CFAP70: variants seen among roughly 807,000 people sequenced by gnomAD.
CFAP70 encodes the protein cilia- and flagella-associated protein 70.
Under a neutral mutation model 137.6 loss-of-function variants are expected in CFAP70, and 81 were observed. The observed-to-expected ratio is 0.59, with a 90% CI of 0.49 to 0.71. The LOEUF (loss-of-function observed/expected upper bound fraction) is 0.71. CFAP70 is among the 30% of genes least tolerant of loss of function. The pLI, the probability that CFAP70 is intolerant of heterozygous loss-of-function variation, is 0.00. For missense variants in CFAP70, 976 were observed against 1,226.7 expected, an observed-to-expected ratio of 0.80 and a Z score of 3.05; for synonymous variants, 382 against 423.6, an observed-to-expected ratio of 0.90 and a Z score of 1.20.
At chr10:73,288,961 G>A (rs761074512) in intron 19 of CFAP70, among the ~76,000 whole-genome samples, 1 of 152,190 alleles carries the variant, frequency 6.6e-6, no homozygotes, top group Non-Finnish European at 1.5e-5. Context: ...TGCATTCTTT[G>A]CAGTTTATCA....
intron 7 of CFAP70, among the ~76,000 whole-genome samples, chr10:73,334,457 C>T (rs529164772): frequency 6.6e-6 from 1 of 152,224 alleles, no homozygotes; most frequent in East Asian, 1.9e-4. Flanking sequence ...GCTCCAGCAG[C>T]CACCTTTGCA....
At chr10:73,261,765 C>G (rs1480899483) in intron 25 of CFAP70, among the ~76,000 whole-genome samples, 1 of 151,820 alleles carries the variant, frequency 6.6e-6, no homozygotes, top group Admixed American at 6.6e-5. Context: ...CTCGAGCCTC[C>G]CAAAGTGCTG....
intron 2 of CFAP70, among the ~76,000 whole-genome samples, chr10:73,354,480 C>T (rs141366873): frequency 1.1e-4 from 16 of 152,188 alleles, no homozygotes; most frequent in South Asian, 2.1e-4. Flanking sequence ...AAAAATTATA[C>T]GTGAACTGCT....
At chr10:73,253,777 C>A, downstream of CFAP70, 2 of 472,060 alleles carry the variant, frequency 4.2e-6, no homozygotes, top group Non-Finnish European at 3.8e-6. Context: ...AGTTTCATAT[C>A]TCCATTTTTT....
intron 9 of CFAP70, among the ~76,000 whole-genome samples, chr10:73,320,636 C>T (rs773866225): frequency 4.6e-5 from 7 of 151,848 alleles, no homozygotes; most frequent in Non-Finnish European, 7.4e-5. Context: ...GCCTTCTTTC[C>T]CATTTAACTA....
At chr10:73,311,496 A>G (rs2049921090) in intron 11 of CFAP70, among the ~76,000 whole-genome samples, 1 of 152,232 alleles carries the variant, frequency 6.6e-6, no homozygotes, top group Non-Finnish European at 1.5e-5. Flanking sequence ...GTTATATACC[A>G]GTCTGTTTCT....
chr10:73,283,501 T>TA (rs2047418289), intron 19 of CFAP70, among the ~76,000 whole-genome samples: 1 of 149,398 alleles, frequency 6.7e-6, no homozygotes, highest in Non-Finnish European at 1.5e-5. Context: ...TTCATTATCT[T>TA]AAAAAGCTGT....
At chr10:73,265,334 A>AG (rs987233287) in intron 25 of CFAP70, among the ~76,000 whole-genome samples, 7 of 150,778 alleles carry the variant, frequency 4.6e-5, no homozygotes, top group Non-Finnish European at 5.9e-5. Context: ...AAAAAAAAAA[A>AG]AAGAAGAAGA....
At chr10:73,280,319 A>G (rs2047169058) in intron 19 of CFAP70, among the ~76,000 whole-genome samples, 1 of 152,106 alleles carries the variant, frequency 6.6e-6, no homozygotes, top group Non-Finnish European at 1.5e-5. Flanking sequence ...AAGAATAATA[A>G]TAATAAAATT....
chr10:73,299,815 A>G (rs1246841841), intron 12 of CFAP70, 150 bp from the exon 14 acceptor site: 3 of 556,824 alleles, frequency 5.4e-6, no homozygotes, highest in East Asian at 6.7e-5. Context: ...CTGTTCTCTC[A>G]TGTAAAACCC....
chr10:73,362,962 A>G (rs1393173839), upstream of CFAP70, among the ~76,000 whole-genome samples: 1 of 149,992 alleles, frequency 6.7e-6, no homozygotes, highest in Non-Finnish European at 1.5e-5. Context: ...TGTCCAGAGT[A>G]TATAAGAAAC....
intron 4 of CFAP70, among the ~76,000 whole-genome samples, chr10:73,345,967 T>A (rs1217206464): frequency 6.6e-6 from 1 of 151,274 alleles, no homozygotes; most frequent in Non-Finnish European, 1.5e-5. Context: ...TGGCATGATC[T>A]CGGCTCACTG....
chr10:73,315,216 CAAAAA>C (rs58468801), intron 9 of CFAP70, among the ~76,000 whole-genome samples: 19 of 64,064 alleles, frequency 3.0e-4, no homozygotes, highest in East Asian at 7.1e-4. Flanking sequence ...GACCCCATCT[CAAAAA>C]AAAAAAAAAA....
chr10:73,341,956 C>T (rs553480818), intron 5 of CFAP70, among the ~76,000 whole-genome samples: 4 of 152,292 alleles, frequency 2.6e-5, no homozygotes, highest in African/African-American at 9.6e-5. Flanking sequence ...CTGATTCCCT[C>T]ATTAATTAGT....
intron 23 of CFAP70, 33 bp from the exon 25 acceptor site, chr10:73,273,050 C>G: frequency 6.8e-7 from 1 of 1,474,990 alleles, no homozygotes; most frequent in East Asian, 2.5e-5. Context: ...AGCTACTGTT[C>G]TAGAAGCTTC....
chr10:73,271,464 A>G (rs2046307802), intron 24 of CFAP70, among the ~76,000 whole-genome samples: 1 of 152,210 alleles, frequency 6.6e-6, no homozygotes, highest in Non-Finnish European at 1.5e-5. Flanking sequence ...GTGAGCCAAG[A>G]TGGCGCCACT....
chr10:73,281,754 A>G (rs750625089), intron 19 of CFAP70, among the ~76,000 whole-genome samples: 2 of 152,196 alleles, frequency 1.3e-5, no homozygotes, highest in African/African-American at 4.8e-5. Flanking sequence ...GGTGCCCATC[A>G]ATGGTGGTCT....
At chr10:73,336,379 T>G (rs2052664177) in intron 6 of CFAP70, among the ~76,000 whole-genome samples, 1 of 152,126 alleles carries the variant, frequency 6.6e-6, no homozygotes, top group Non-Finnish European at 1.5e-5. Context: ...GTATGAATTT[T>G]CACTAATCAC....
chr10:73,276,496 A>G (rs1354158622), intron 21 of CFAP70: 1 of 152,134 alleles, frequency 6.6e-6, no homozygotes, highest in Admixed American at 6.5e-5. Context: ...GTGGAAGAAG[A>G]GAGTCTGTTT....
Sources: allele counts gnomAD v4.1 joint callset (sites outside exome capture counted in the v4.1 genomes callset), GRCh38; gene constraint gnomAD v4.1.1; transcripts MANE v1.5; gene names NCBI Gene and HGNC (gene_info 2026-07-23, HGNC 2026-07-21).